The following MTCL3 variants were observed in gnomAD, a reference collection of about 807,000 sequenced individuals.
MTCL3 encodes the protein microtubule cross-linking factor 3.
At chr6:127,507,305 G>T in the MTCL3 span, among the ~76,000 whole-genome samples, 1 of 152,122 alleles carries the variant, frequency 6.6e-6, no homozygotes, top group African/African-American at 2.4e-5. Flanking sequence ...GCCAAGAAAG[G>T]AACTGGAATC....
At chr6:127,516,270 C>A in the MTCL3 span, 1 of 1,488,734 alleles carries the variant, frequency 6.7e-7, no homozygotes, top group South Asian at 1.3e-5. Context: ...GGACAGCTCC[C>A]GGAGCGGCCC....
chr6:127,490,542 G>A, the MTCL3 span, among the ~76,000 whole-genome samples: 1 of 151,784 alleles, frequency 6.6e-6, no homozygotes, highest in Non-Finnish European at 1.5e-5. Context: ...GATTGGGCCA[G>A]GCGCAGTGGC....
chr6:127,514,798 G>A, the MTCL3 span: 11 of 1,592,428 alleles, frequency 6.9e-6, no homozygotes, highest in South Asian at 2.2e-5. Context: ...CCTGCCGCGC[G>A]CCATTGAGCC....
chr6:127,499,251 T>C, the MTCL3 span, among the ~76,000 whole-genome samples: 1 of 152,128 alleles, frequency 6.6e-6, no homozygotes, highest in Admixed American at 6.5e-5. Flanking sequence ...AAGAAGGTCA[T>C]AACGGGAGAT....
At chr6:127,504,995 T>G in the MTCL3 span, among the ~76,000 whole-genome samples, 1 of 152,102 alleles carries the variant, frequency 6.6e-6, no homozygotes, top group African/African-American at 2.4e-5. Context: ...AATTAGAATG[T>G]TTAGGGGCCA....
the MTCL3 span, among the ~76,000 whole-genome samples, chr6:127,495,559 T>C: frequency 1.3e-5 from 2 of 152,242 alleles, no homozygotes; most frequent in South Asian, 4.1e-4. Flanking sequence ...TTGTAAGAAA[T>C]ATGCTTGAAT....
At chr6:127,512,604 A>G in the MTCL3 span, among the ~76,000 whole-genome samples, 3 of 152,196 alleles carry the variant, frequency 2.0e-5, no homozygotes, top group Non-Finnish European at 4.4e-5. Flanking sequence ...TTTGCATTTA[A>G]TATGCTGTGG....
the MTCL3 span, among the ~76,000 whole-genome samples, chr6:127,495,791 T>C: frequency 6.6e-6 from 1 of 152,220 alleles, no homozygotes; most frequent in Non-Finnish European, 1.5e-5. Context: ...CTTTAAAATT[T>C]TTGGAATTAG....
chr6:127,516,455 T>TA, the MTCL3 span: 2 of 1,599,686 alleles, frequency 1.3e-6, no homozygotes, highest in East Asian at 4.5e-5. Context: ...GTGGCCGCGA[T>TA]TGTCTGTCGC....
At chr6:127,474,364 C>T in the MTCL3 span, among the ~76,000 whole-genome samples, 1 of 151,978 alleles carries the variant, frequency 6.6e-6, no homozygotes, top group Non-Finnish European at 1.5e-5. Flanking sequence ...TGCAACCTCC[C>T]TCTCCCCGGG....
At chr6:127,475,185 C>T in the MTCL3 span, 1 of 1,249,188 alleles carries the variant, frequency 8.0e-7, no homozygotes, top group Non-Finnish European at 1.1e-6. This position sits in a 1 kb window ranked among gnomAD's most constrained non-coding sequence, Gnocchi z 7.3. Context: ...TGAGCGGGGG[C>T]TTCCCTCAAG....
chr6:127,493,740 G>T, the MTCL3 span, among the ~76,000 whole-genome samples: 2 of 152,338 alleles, frequency 1.3e-5, no homozygotes, highest in African/African-American at 4.8e-5. Flanking sequence ...TTTAAAAGCT[G>T]AGAAAACTAT....
the MTCL3 span, among the ~76,000 whole-genome samples, chr6:127,506,734 C>T: frequency 6.6e-6 from 1 of 152,036 alleles, no homozygotes; most frequent in African/African-American, 2.4e-5. Context: ...GCGCCCACGA[C>T]CACGCCCGGC....
At chr6:127,491,003 C>T in the MTCL3 span, among the ~76,000 whole-genome samples, 3 of 152,112 alleles carry the variant, frequency 2.0e-5, no homozygotes, top group African/African-American at 7.2e-5. Context: ...GAAGTATAGC[C>T]TGATTGTGAT....
chr6:127,483,100 C>T, the MTCL3 span: 4 of 779,268 alleles, frequency 5.1e-6, no homozygotes, highest in East Asian at 9.1e-5. Flanking sequence ...AGAGTTAGTT[C>T]AATAATCATA....
the MTCL3 span, among the ~76,000 whole-genome samples, chr6:127,489,546 A>G: frequency 6.6e-6 from 1 of 152,280 alleles, no homozygotes; most frequent in Admixed American, 6.5e-5. Flanking sequence ...TAAAAGTTCT[A>G]GAAATAAATT....
At chr6:127,517,614 T>C in the MTCL3 span, 1 of 152,214 alleles carries the variant, frequency 6.6e-6, no homozygotes, top group African/African-American at 2.4e-5. Flanking sequence ...TCGCATATCA[T>C]AGGCAAAAGT....
chr6:127,515,600 A>G, the MTCL3 span: 12 of 1,427,338 alleles, frequency 8.4e-6, no homozygotes, highest in Non-Finnish European at 9.1e-6. This position sits in a 1 kb window ranked among gnomAD's most constrained non-coding sequence, Gnocchi z 4.3. Flanking sequence ...TGCGGCTGCG[A>G]CGAAGGGGGC....
chr6:127,492,109 C>T, the MTCL3 span, among the ~76,000 whole-genome samples: 2 of 152,140 alleles, frequency 1.3e-5, no homozygotes, highest in African/African-American at 4.8e-5. Flanking sequence ...GGCCCAGATG[C>T]TCCTATTGCC....
Sources: gnomAD v4.1 joint callset for allele counts (sites outside exome capture counted in the v4.1 genomes callset) on GRCh38, gnomAD v4.1.1 for gene constraint, Gnocchi (gnomAD v3.1) non-coding constraint, MANE v1.5 for transcripts, NCBI Gene and HGNC (gene_info 2026-07-23, HGNC 2026-07-21) for gene names.